SYT16: variants seen among roughly 807,000 people sequenced by gnomAD.
SYT16 encodes the protein synaptotagmin-16.
A neutral mutation model predicts 61.4 loss-of-function variants in SYT16; 42 were observed. The observed-to-expected ratio is 0.68, with a 90% CI of 0.53 to 0.89. SYT16 has a LOEUF of 0.89. Among genes scored for constraint, SYT16 ranks in the 40% least tolerant of loss-of-function variants. The pLI, the probability that SYT16 is intolerant of heterozygous loss-of-function variation, is 0.00. For missense variants in SYT16, 804 were observed against 807.3 expected (o/e 1.00, Z 0.05); for synonymous variants, 314 against 302.3 (o/e 1.04, Z -0.40).
intron 1 of SYT16, among the ~76,000 whole-genome samples, chr14:61,895,373 G>T (rs1011180546): frequency 6.6e-6 from 1 of 152,038 alleles, no homozygotes; most frequent in Non-Finnish European, 1.5e-5. Flanking sequence ...ATTTTGTGTG[G>T]GTACCACTTC....
At chr14:61,822,749 T>G (rs2045654585) in intron 1 of SYT16, among the ~76,000 whole-genome samples, 2 of 152,126 alleles carry the variant, frequency 1.3e-5, no homozygotes, top group South Asian at 4.1e-4. Flanking sequence ...TTTATAAAAA[T>G]GAAAACACTC....
chr14:61,859,124 G>A (rs1204214692), intron 1 of SYT16, among the ~76,000 whole-genome samples: 7 of 152,048 alleles, frequency 4.6e-5, no homozygotes. Flanking sequence ...CTCCCAAAGT[G>A]TTGGGATTAC....
At chr14:61,980,445 A>T (rs1008605366) in intron 2 of SYT16, among the ~76,000 whole-genome samples, 2 of 152,228 alleles carry the variant, frequency 1.3e-5, no homozygotes, top group Non-Finnish European at 2.9e-5. Flanking sequence ...ACTAAGGCAC[A>T]AATAATTGAG....
intron 1 of SYT16, among the ~76,000 whole-genome samples, chr14:61,858,872 T>C (rs1210212604): frequency 2.0e-5 from 3 of 149,990 alleles, no homozygotes; most frequent in Admixed American, 1.3e-4. Context: ...TTTTTTTTTT[T>C]GAGACGGAGT....
chr14:61,865,221 C>T (rs2047108797), intron 1 of SYT16: 1 of 1,065,510 alleles, frequency 9.4e-7, no homozygotes, highest in South Asian at 1.3e-5. Context: ...GATTCTGGGG[C>T]ACCCCATCTG....
intron 1 of SYT16, chr14:61,832,338 C>G (rs1426331237): frequency 1.7e-6 from 1 of 577,354 alleles, no homozygotes; most frequent in Non-Finnish European, 3.4e-6. Flanking sequence ...TGCTCGCTTG[C>G]CAACTAGGCT....
At chr14:61,816,516 CAA>C (rs535561616) in intron 1 of SYT16, among the ~76,000 whole-genome samples, 1 of 152,040 alleles carries the variant, frequency 6.6e-6, no homozygotes, top group Non-Finnish European at 1.5e-5. Context: ...AAAATATAGA[CAA>C]AGAGAGTTAG....
intron 1 of SYT16, among the ~76,000 whole-genome samples, chr14:61,859,958 A>G (rs1174619605): frequency 1.3e-5 from 2 of 152,228 alleles, no homozygotes; most frequent in African/African-American, 4.8e-5. Flanking sequence ...AAGGTCGGGG[A>G]CATATAAAAC....
At chr14:61,941,524 T>C (rs574371967) in intron 1 of SYT16, among the ~76,000 whole-genome samples, 1 of 152,344 alleles carries the variant, frequency 6.6e-6, no homozygotes, top group African/African-American at 2.4e-5. Flanking sequence ...ACATTCTTGC[T>C]ACTTTTCCCT....
intron 1 of SYT16, among the ~76,000 whole-genome samples, chr14:61,966,688 A>G (rs1417598638): frequency 6.6e-6 from 1 of 152,176 alleles, no homozygotes; most frequent in East Asian, 1.9e-4. Context: ...CTTTATTCAA[A>G]AATAAAAATT....
At chr14:62,009,035 C>G (rs2053338861) in intron 3 of SYT16, among the ~76,000 whole-genome samples, 1 of 152,130 alleles carries the variant, frequency 6.6e-6, no homozygotes, top group Non-Finnish European at 1.5e-5. Flanking sequence ...TGGTCGAGGT[C>G]CCTTGAATAA....
intron 7 of SYT16, among the ~76,000 whole-genome samples, chr14:62,089,524 C>T (rs957680370): frequency 2.0e-5 from 3 of 151,458 alleles, no homozygotes; most frequent in Non-Finnish European, 4.4e-5. Flanking sequence ...TAAAAAAAAT[C>T]ATGTATGTGG....
chr14:61,817,873 C>CATTT (rs2140209353), intron 1 of SYT16, among the ~76,000 whole-genome samples: 1 of 152,248 alleles, frequency 6.6e-6, no homozygotes, highest in African/African-American at 2.4e-5. Context: ...TGTATGTGTG[C>CATTT]ATTTATATGT....
At chr14:62,053,485 T>G (rs2055402466) in intron 3 of SYT16, among the ~76,000 whole-genome samples, 1 of 152,224 alleles carries the variant, frequency 6.6e-6, no homozygotes, top group Admixed American at 6.5e-5. Context: ...TCAGCTCCCA[T>G]GATTGCATAA....
chr14:61,977,784 A>G (rs556525108), intron 2 of SYT16, among the ~76,000 whole-genome samples: 28 of 152,270 alleles, frequency 1.8e-4, no homozygotes, highest in African/African-American at 6.7e-4. Context: ...AAATAGGAGA[A>G]TGGAGGATTT....
chr14:62,102,180 A>G lies in SYT16; in HGVS notation c.*1473A>G, dbSNP rs1434906003. ...GATGGCTGTATACAGTTAAAAACAC[A>G]TAACTCCTCCTCAGCTCCACGTTTT... On this transcript the variant is annotated 3_prime_UTR_variant, in exon 8 of 8. Transcript: ENST00000683842. The G allele has an allele frequency of 6.6e-6, 1 of 152,230 alleles. No homozygotes were observed. Among genetic ancestry groups the G allele is most frequent in the East Asian group, 1.9e-4 (1 of 5,196 alleles). The allele number at this position is 152,230 out of a possible 1,614,324, so 9.4% of individuals were successfully genotyped here.
intron 1 of SYT16, among the ~76,000 whole-genome samples, chr14:61,907,999 G>A (rs2048789895): frequency 6.6e-6 from 1 of 152,250 alleles, no homozygotes; most frequent in African/African-American, 2.4e-5. Flanking sequence ...AGATGTGTAT[G>A]TAGCCATGCT....
chr14:62,046,725 T>G (rs1198255707), intron 3 of SYT16, among the ~76,000 whole-genome samples: 4 of 152,198 alleles, frequency 2.6e-5, no homozygotes, highest in Admixed American at 6.5e-5. Context: ...TTTCCCCATT[T>G]CTTGTTTTTG....
intron 3 of SYT16, among the ~76,000 whole-genome samples, chr14:62,003,044 C>A (rs1029521127): frequency 6.6e-6 from 1 of 152,066 alleles, no homozygotes; most frequent in Non-Finnish European, 1.5e-5. Context: ...AGTTACCTCC[C>A]TTTGGGTCCC....
Sources: allele counts gnomAD v4.1 joint callset (sites outside exome capture counted in the v4.1 genomes callset), GRCh38; gene constraint gnomAD v4.1.1; transcripts MANE v1.5; gene names NCBI Gene and HGNC (gene_info 2026-07-23, HGNC 2026-07-21).